Variants in SFSWAP observed in about 807,000 individuals in gnomAD.
SFSWAP encodes the protein splicing factor SWAP, also known as splicing factor, suppressor of white-apricot homolog.
SFSWAP carries 17 observed loss-of-function variants against 100.7 expected under a neutral mutation model. The observed-to-expected ratio is 0.17, with a 90% confidence interval of 0.12 to 0.25. SFSWAP has a LOEUF of 0.25. Among genes scored for constraint, SFSWAP ranks in the 10% least tolerant of loss-of-function variants. The probability of loss-of-function intolerance (pLI) is 1.00; values close to 1 mark genes in which losing one functional copy is unlikely to be tolerated. For synonymous variants in SFSWAP, 504 were observed against 510.1 expected, an observed-to-expected ratio of 0.99 and a Z score of 0.16; for missense variants, 1,005 against 1,262.6, an observed-to-expected ratio of 0.80 and a Z score of 3.09.
chr12:131,787,343 C>T (rs1425167723), intron 15 of SFSWAP, among the ~76,000 whole-genome samples: 6 of 152,212 alleles, frequency 3.9e-5, no homozygotes, highest in African/African-American at 9.7e-5. Flanking sequence ...CCATTGGTGC[C>T]GCCAGTGAGC....
At chr12:131,779,779 T>A (rs548442689) in intron 14 of SFSWAP, among the ~76,000 whole-genome samples, 12 of 152,362 alleles carry the variant, frequency 7.9e-5, no homozygotes, top group African/African-American at 2.9e-4. Context: ...TACTTATTTA[T>A]TTATTTATTC....
In SFSWAP at chr12:131,728,331, A is replaced by G. The variant is rs1250792775; in HGVS notation, c.984A>G (p.Ala328=). 5.6e-6 allele frequency: 9 copies of G among 1,614,052 alleles called. No individual in the cohort carries two copies. Among genetic ancestry groups the G allele is most frequent in the Non-Finnish European group, 7.6e-6 (9 of 1,180,028 alleles). Residue 328 remains alanine, a synonymous_variant, in exon 7 of 18, where the codon GCA becomes GCG. Transcript: ENST00000261674. ...TGGACCCAGATCATCCCCTCGCAGC[A>G]CTTGTTCGTAAGGCACAGGCTGACA... ...KVVDPDHPLA[A]LVRKAQADSS...
intron 7 of SFSWAP, among the ~76,000 whole-genome samples, chr12:131,743,229 C>G (rs1477305620): frequency 6.6e-6 from 1 of 152,188 alleles, no homozygotes; most frequent in African/African-American, 2.4e-5. Flanking sequence ...CCAGCAGTCC[C>G]CCAAAGTCTT....
chr12:131,799,368 G>A (rs1430732380), intron 17 of SFSWAP, 55 bp from the exon 18 acceptor site: 41 of 1,553,922 alleles, frequency 2.6e-5, no homozygotes, highest in Middle Eastern at 1.7e-4. Context: ...TCTTCACCAC[G>A]TGGGTTGTCT....
At position 131,730,474 on chromosome 12, in the gene SFSWAP, AC is replaced by A. The variant is rs1161461775; in HGVS notation, c.1081+2048del. Among the ~76,000 whole-genome samples, 1 of 152,196 alleles carries A rather than the reference AC, an allele frequency of 6.6e-6. No homozygotes were observed. The highest frequency in any genetic ancestry group is 1.5e-5 in the Non-Finnish European group (1 of 68,042). On this transcript the variant is annotated intron_variant, in intron 7 of 17. Coordinates refer to ENST00000261674, the MANE Select transcript of SFSWAP (RefSeq NM_004592.4). The surrounding 1 kb of genome is among the most constrained non-coding windows in gnomAD (Gnocchi z 4.0). ...AACAGCCATGTGCAGACCCCGCAGG[AC>A]CAGGCAGGATGGTGGAGCCGGCTGG... is the stretch of plus-strand genomic sequence containing the variant.
intron 7 of SFSWAP, among the ~76,000 whole-genome samples, chr12:131,735,230 A>G (rs1443805132): frequency 2.6e-5 from 4 of 152,096 alleles, no homozygotes; most frequent in African/African-American, 7.2e-5. Context: ...TGGGCTGTGC[A>G]TCATCCCTAC....
intron 8 of SFSWAP, 22 bp downstream of exon 8, chr12:131,753,385 G>A: frequency 6.3e-7 from 1 of 1,599,556 alleles, no homozygotes; most frequent in South Asian, 1.1e-5. Flanking sequence ...GTCCACCGCT[G>A]CCTGCTGTGT....
intron 8 of SFSWAP, 27 bp from the exon 9 acceptor site, chr12:131,754,340 AG>A (rs1881940481): frequency 2.7e-6 from 4 of 1,490,476 alleles, no homozygotes; most frequent in Non-Finnish European, 3.6e-6. Flanking sequence ...CCTGAAGCCC[AG>A]GGGTCTCACA....
intron 14 of SFSWAP, chr12:131,785,856 A>C (rs890655910): frequency 3.3e-5 from 5 of 153,132 alleles, no homozygotes; most frequent in African/African-American, 1.2e-4. Flanking sequence ...AGCGCACCAC[A>C]GCCTGTTCCT....
chr12:131,759,598 G>A (rs571651966), intron 11 of SFSWAP, among the ~76,000 whole-genome samples: 1 of 152,140 alleles, frequency 6.6e-6, no homozygotes, highest in Non-Finnish European at 1.5e-5. Context: ...AGGAGATCGA[G>A]ACCATCCTGG....
At chr12:131,775,206 A>G (rs926964764) in intron 13 of SFSWAP, among the ~76,000 whole-genome samples, 1 of 152,238 alleles carries the variant, frequency 6.6e-6, no homozygotes, top group African/African-American at 2.4e-5. Context: ...CCAGAAAAAG[A>G]CAGCAAAGAC....
At chr12:131,762,868 G>A (rs1471915578) in intron 11 of SFSWAP, among the ~76,000 whole-genome samples, 1 of 152,118 alleles carries the variant, frequency 6.6e-6, no homozygotes, top group Non-Finnish European at 1.5e-5. Flanking sequence ...CAAAGTGCTG[G>A]GATTACAGGC....
At chr12:131,765,556 G>C (rs1345187200) in intron 12 of SFSWAP, among the ~76,000 whole-genome samples, 1 of 152,052 alleles carries the variant, frequency 6.6e-6, no homozygotes, top group Admixed American at 6.6e-5. Context: ...GCTGAGGCAG[G>C]AGAATCGCTT....
intron 7 of SFSWAP, among the ~76,000 whole-genome samples, chr12:131,744,536 T>G (rs1471268639): frequency 6.6e-6 from 1 of 152,208 alleles, no homozygotes; most frequent in Non-Finnish European, 1.5e-5. Flanking sequence ...ATTGTTCCTG[T>G]CACTATCAGC....
Position 131,764,443 on chromosome 12 carries a change from C to G in SFSWAP, c.1721-13C>G. The G allele has an allele frequency of 6.2e-7, 1 of 1,606,096 alleles. No individual in the cohort carries two copies. On this transcript the variant is annotated splice_polypyrimidine_tract_variant and intron_variant, in intron 11 of 17. Coordinates refer to ENST00000261674, the MANE Select transcript of SFSWAP (RefSeq NM_004592.4). ...CTGTAACATGTATCATAATTCTCAC[C>G]TTTCCTCAATAGCTTCCTTTGCTCC...
intron 13 of SFSWAP, among the ~76,000 whole-genome samples, chr12:131,773,535 G>A (rs746374105): frequency 1.3e-5 from 2 of 152,044 alleles, no homozygotes; most frequent in Non-Finnish European, 2.9e-5. Context: ...GTAGAGATGG[G>A]ATTTTGCTAT....
At chr12:131,795,106 C>T (rs1328455443) in intron 15 of SFSWAP, among the ~76,000 whole-genome samples, 1 of 152,230 alleles carries the variant, frequency 6.6e-6, no homozygotes, top group East Asian at 1.9e-4. Flanking sequence ...GTGCAGGTCC[C>T]ACATGCGTGT....
At chr12:131,717,068 G>A (rs1028774201) in intron 3 of SFSWAP, among the ~76,000 whole-genome samples, 3 of 151,920 alleles carry the variant, frequency 2.0e-5, no homozygotes, top group African/African-American at 4.8e-5. Context: ...TTGACATTTC[G>A]TGTTTAACTT....
At chr12:131,740,181 G>A (rs543962606) in intron 7 of SFSWAP, among the ~76,000 whole-genome samples, 3 of 152,138 alleles carry the variant, frequency 2.0e-5, no homozygotes, top group African/African-American at 4.8e-5. Context: ...TTGTTCATTG[G>A]TTGGTTTGCT....
Sources: gnomAD v4.1 joint callset for allele counts (sites outside exome capture counted in the v4.1 genomes callset) on GRCh38, gnomAD v4.1.1 for gene constraint, Gnocchi (gnomAD v3.1) non-coding constraint, MANE v1.5 for transcripts, NCBI Gene and HGNC (gene_info 2026-07-23, HGNC 2026-07-21) for gene names.